AGO3: variants seen among roughly 807,000 people sequenced by gnomAD.
The protein encoded by AGO3 is argonaute RISC catalytic component 3, also known as protein argonaute-3.
AGO3 carries 16 observed loss-of-function variants against 105.5 expected under a neutral mutation model. That is an observed-to-expected ratio of 0.15 (90% CI 0.10 to 0.23). The LOEUF (loss-of-function observed/expected upper bound fraction) is 0.23. Ranked by LOEUF, AGO3 falls within the 10% of genes least tolerant of loss-of-function variation. The pLI, the probability that AGO3 is intolerant of heterozygous loss-of-function variation, is 1.00. For missense variants in AGO3, 534 were observed against 1,088.0 expected, an observed-to-expected ratio of 0.49 and a Z score of 7.16; for synonymous variants, 340 against 367.3, an observed-to-expected ratio of 0.93 and a Z score of 0.85.
intron 5 of AGO3, among the ~76,000 whole-genome samples, chr1:35,979,899 G>T (rs549357970): frequency 1.9e-4 from 29 of 152,042 alleles, no homozygotes; most frequent in Admixed American, 1.8e-3. Flanking sequence ...CTGTTTGGTG[G>T]ATGAATTAAG....
chr1:35,991,901 A>G (rs1188152843), intron 5 of AGO3, among the ~76,000 whole-genome samples: 1 of 152,050 alleles, frequency 6.6e-6, no homozygotes, highest in Non-Finnish European at 1.5e-5. Context: ...GCGTTCATCC[A>G]ATATCTAGTA....
intron 11 of AGO3, among the ~76,000 whole-genome samples, chr1:36,015,976 G>T (rs1046941533): frequency 1.3e-5 from 2 of 152,288 alleles, no homozygotes; most frequent in Admixed American, 6.5e-5. Flanking sequence ...TCCAGCAGCC[G>T]CATGGTTGAA....
intron 2 of AGO3, among the ~76,000 whole-genome samples, chr1:35,954,559 T>G (rs1382108569): frequency 6.6e-6 from 1 of 152,242 alleles, no homozygotes; most frequent in Non-Finnish European, 1.5e-5. Flanking sequence ...TACTATGCTA[T>G]TGGTACTAGA....
chr1:36,055,216 A>G lies in AGO3; in HGVS notation c.2474+71A>G, dbSNP rs1642876452. 1 of 1,483,900 alleles carries G rather than the reference A, an allele frequency of 6.7e-7. No individual in the cohort carries two copies. The allele number at this position is 1,483,900 out of a possible 1,614,324, so 91.9% of individuals were successfully genotyped here. A position where few individuals can be genotyped will look rare whatever the true frequency, so the allele number is the denominator to read the frequency against. On this transcript the variant is annotated intron_variant, in intron 18 of 18. Transcript: ENST00000373191. This position sits in a 1 kb window ranked among gnomAD's most constrained non-coding sequence, Gnocchi z 4.4. The stretch of plus-strand genomic sequence containing the variant: ...CTGCATGGTAGGATTTTCAAGTTCC[A>G]CAAGCTATTAGCGGAGTCAGTGATC...
intron 3 of AGO3, among the ~76,000 whole-genome samples, chr1:35,969,001 A>G (rs1443341013): frequency 1.3e-5 from 2 of 151,924 alleles, no homozygotes; most frequent in Non-Finnish European, 2.9e-5. Context: ...ACAATTAGTG[A>G]TGTTGAGTAT....
At position 36,058,202 on chromosome 1, in the gene AGO3, G is replaced by A. The variant is rs1401278553; in HGVS notation, c.*2457G>A. 1.3e-5 allele frequency: 2 copies of A among 152,122 alleles called. No homozygotes were observed. Among genetic ancestry groups the A allele is most frequent in the African/African-American group, 4.8e-5 (2 of 41,432 alleles). 9.4% of individuals were successfully genotyped at this position (152,122 alleles called of 1,614,324 possible). ...ATGATATTTTAAAACTTTTGCTAAT[G>A]TATCACCAGTATAACTTTCCTTTTA... On this transcript the variant is annotated 3_prime_UTR_variant, in exon 19 of 19. Coordinates refer to ENST00000373191, the MANE Select transcript of AGO3 (RefSeq NM_024852.4).
chr1:35,931,014 G>A, upstream of AGO3: 1 of 362,360 alleles, frequency 2.8e-6, no homozygotes, highest in Non-Finnish European at 4.9e-6. Context: ...ACGTCGCTCC[G>A]GCACGGCTCG....
At chr1:35,949,282 A>G (rs981447910) in intron 2 of AGO3, among the ~76,000 whole-genome samples, 2 of 152,224 alleles carry the variant, frequency 1.3e-5, no homozygotes, top group East Asian at 3.8e-4. Flanking sequence ...TTGGGATTCT[A>G]AAAATCATAT....
chr1:36,017,435 C>T (rs1334098179), intron 11 of AGO3, among the ~76,000 whole-genome samples: 2 of 152,148 alleles, frequency 1.3e-5, no homozygotes, highest in Admixed American at 1.3e-4. Context: ...TTCTGTTTAG[C>T]CAGTAAGTAA....
intron 1 of AGO3, among the ~76,000 whole-genome samples, chr1:35,938,314 T>C (rs1386626882): frequency 6.6e-6 from 1 of 152,110 alleles, no homozygotes; most frequent in Non-Finnish European, 1.5e-5. Context: ...AATTATAAAA[T>C]AATAACTACA....
chr1:35,952,152 T>C (rs867702438), intron 2 of AGO3, among the ~76,000 whole-genome samples: 4 of 139,326 alleles, frequency 2.9e-5, no homozygotes, highest in East Asian at 4.2e-4. Flanking sequence ...TTCTTTCTTT[T>C]TTTTTTTTTT....
At chr1:36,009,291 A>T (rs1557682127) in intron 8 of AGO3, 184 bp from the exon 9 acceptor site, 2 of 823,498 alleles carry the variant, frequency 2.4e-6, no homozygotes, top group African/African-American at 3.5e-5. Context: ...TCTGGTGTAC[A>T]TTTTACTTAA....
chr1:35,954,048 G>C (rs950752869), intron 2 of AGO3, among the ~76,000 whole-genome samples: 3 of 151,844 alleles, frequency 2.0e-5, no homozygotes, highest in Non-Finnish European at 1.5e-5. Flanking sequence ...TCTATAGAAG[G>C]GTTCTATATT....
intron 8 of AGO3, 49 bp downstream of exon 8, chr1:36,009,093 T>TTTTTTTTTTTTTTTTTTGAGAC (rs768289986): frequency 2.0e-6 from 3 of 1,473,332 alleles, no homozygotes; most frequent in East Asian, 4.1e-5. Context: ...ATGATTCTTT[T>TTTTTTTTTTTTTTTTTTGAGAC]GGGGTCTTTT....
intron 3 of AGO3, among the ~76,000 whole-genome samples, chr1:35,968,523 T>C (rs1646812452): frequency 6.6e-6 from 1 of 152,152 alleles, no homozygotes; most frequent in South Asian, 2.1e-4. Flanking sequence ...AGTGAAATCA[T>C]AGATTGTTTG....
chr1:35,931,187 C>T lies in AGO3; in HGVS notation c.-240C>T. On this transcript the variant is annotated 5_prime_UTR_variant, in exon 1 of 19. Transcript: ENST00000373191. ...GGCGATGCAACTTCCGGACGGGACT[C>T]CCCTCTGTCCGCGCCTCACATCTCC... 5.0e-6 allele frequency: 2 copies of T among 400,116 alleles called. No individual in the cohort carries two copies. The highest frequency in any genetic ancestry group is 8.8e-6 in the Non-Finnish European group (2 of 226,530). The allele number at this position is 400,116 out of a possible 1,614,324, so 24.8% of individuals were successfully genotyped here.
At chr1:35,950,469 G>A (rs1274839900) in intron 2 of AGO3, among the ~76,000 whole-genome samples, 2 of 152,026 alleles carry the variant, frequency 1.3e-5, no homozygotes, top group African/African-American at 4.8e-5. Flanking sequence ...TCATTTTGTG[G>A]GTCAACCTTT....
intron 11 of AGO3, among the ~76,000 whole-genome samples, chr1:36,018,076 G>T (rs1374451112): frequency 2.0e-5 from 3 of 151,466 alleles, no homozygotes; most frequent in African/African-American, 7.3e-5. Context: ...TGCCTCCCGG[G>T]ATCAAACAAT....
chr1:35,931,024 G>A (rs946162602), upstream of AGO3: 1 of 368,800 alleles, frequency 2.7e-6, no homozygotes, highest in East Asian at 4.0e-5. Flanking sequence ...GGCACGGCTC[G>A]GGGCCCAGAG....
Sources: allele counts gnomAD v4.1 joint callset (sites outside exome capture counted in the v4.1 genomes callset), GRCh38; gene constraint gnomAD v4.1.1; non-coding constraint Gnocchi (gnomAD v3.1); transcripts MANE v1.5; gene names NCBI Gene and HGNC (gene_info 2026-07-23, HGNC 2026-07-21).